PIEZO1: variants seen among roughly 807,000 people sequenced by gnomAD.
PIEZO1 encodes the protein piezo type mechanosensitive ion channel component 1 (Er blood group).
Under a neutral mutation model 297.2 loss-of-function variants are expected in PIEZO1, and 296 were observed. The ratio of observed to expected loss-of-function variants is 1.00; its 90% CI spans 0.91 to 1.10. PIEZO1 has a LOEUF of 1.10. Among genes scored for constraint, PIEZO1 ranks in the 50% least tolerant of loss-of-function variants. PIEZO1 has a pLI of 0.00. For synonymous variants in PIEZO1, 2,427 were observed against 1,507.5 expected, an observed-to-expected ratio of 1.61 and a Z score of -14.13; for missense variants, 5,018 against 3,455.5, an observed-to-expected ratio of 1.45 and a Z score of -11.34.
rs1555551682 is a variant in PIEZO1 at position 88,715,383 on chromosome 16, A to ATGGAC, written c.*221_*222insGTCCA. ...AATAAAACATTTTTTAATTAAAAAA[A>ATGGAC]AAACTCTACAGTACACGTGGGGGAC... On this transcript the variant is annotated 3_prime_UTR_variant, in exon 51 of 51. Transcript: ENST00000301015. The ATGGAC allele has an allele frequency of 7.1e-6, 8 of 1,121,214 alleles. No individual in the cohort carries two copies. The highest frequency in any genetic ancestry group is 3.2e-5 in the African/African-American group (2 of 63,420). The allele number at this position is 1,121,214 out of a possible 1,614,324, so 69.5% of individuals were successfully genotyped here. A position where few individuals can be genotyped will look rare whatever the true frequency, so the allele number is the denominator to read the frequency against.
chr16:88,723,645 G>A (rs1340522916), intron 31 of PIEZO1, among the ~76,000 whole-genome samples: 1 of 152,266 alleles, frequency 6.6e-6, no homozygotes, highest in Non-Finnish European at 1.5e-5. Flanking sequence ...CAGAACCTGG[G>A]TGGTCAGAGC....
At chr16:88,760,002 C>T (rs959278996) in intron 1 of PIEZO1, among the ~76,000 whole-genome samples, 1 of 152,012 alleles carries the variant, frequency 6.6e-6, no homozygotes, top group Non-Finnish European at 1.5e-5. Context: ...AAAACCCCAG[C>T]TGCTTCACTC....
At chr16:88,756,840 G>T (rs1211237839) in intron 1 of PIEZO1, among the ~76,000 whole-genome samples, 2 of 152,120 alleles carry the variant, frequency 1.3e-5, no homozygotes, top group African/African-American at 4.8e-5. Context: ...ACTTTGGGAG[G>T]CCGAGGCGGG....
At chr16:88,734,594 C>A (rs79613370) in intron 15 of PIEZO1, 56 bp from the exon 16 acceptor site, 1 of 1,547,830 alleles carries the variant, frequency 6.5e-7, no homozygotes, top group Non-Finnish European at 8.7e-7. Context: ...GCTGCAGCCC[C>A]GGGGAAGTGC....
rs1042618494 is a variant in PIEZO1 at position 88,717,311 on chromosome 16, C to G, written c.6472-100G>C. The G allele has an allele frequency of 7.2e-5, 78 of 1,077,058 alleles. No homozygotes were observed. In the South Asian group the frequency reaches 9.6e-4, roughly 13 times the overall value. 66.7% of individuals were successfully genotyped at this position (1,077,058 alleles called of 1,614,324 possible). A position where few individuals can be genotyped will look rare whatever the true frequency, so the allele number is the denominator to read the frequency against. ...ACCCAGCAGCCCAGAAAAGCCCCAG[C>G]CTGACCTCAGTATGGCACAGCGGTA... On this transcript the variant is annotated intron_variant, in intron 44 of 50. Coordinates refer to ENST00000301015, the MANE Select transcript of PIEZO1 (RefSeq NM_001142864.4).
intron 1 of PIEZO1, among the ~76,000 whole-genome samples, chr16:88,761,814 G>A (rs1567689639): frequency 6.6e-6 from 1 of 151,798 alleles, no homozygotes; most frequent in Non-Finnish European, 1.5e-5. Flanking sequence ...GCGCTGCCAG[G>A]GTGTGGAGGC....
intron 37 of PIEZO1, 22 bp from the exon 38 acceptor site, chr16:88,721,748 A>C: frequency 1.3e-6 from 2 of 1,534,878 alleles, no homozygotes; most frequent in Non-Finnish European, 1.8e-6. Flanking sequence ...GGGGCTCAGC[A>C]CGCGGGGAGG....
intron 29 of PIEZO1, 60 bp downstream of exon 29, chr16:88,725,356 C>G: frequency 2.8e-6 from 3 of 1,061,804 alleles, no homozygotes; most frequent in Non-Finnish European, 2.6e-6. Context: ...GCAGCACACG[C>G]CAGCAGGCAC....
At chr16:88,754,117 C>T (rs1906534555) in intron 1 of PIEZO1, among the ~76,000 whole-genome samples, 1 of 152,196 alleles carries the variant, frequency 6.6e-6, no homozygotes, top group African/African-American at 2.4e-5. Flanking sequence ...CCAGCACACG[C>T]CTGACTATGG....
At chr16:88,759,032 C>T (rs1906803530) in intron 1 of PIEZO1, among the ~76,000 whole-genome samples, 2 of 152,238 alleles carry the variant, frequency 1.3e-5, no homozygotes, top group South Asian at 4.1e-4. Context: ...GTCCCCCCTA[C>T]CCACGGCATT....
chr16:88,715,539 G>T lies in PIEZO1; in HGVS notation c.*66C>A. 1 of 1,468,578 alleles carries T rather than the reference G, an allele frequency of 6.8e-7. No homozygotes were observed. Among genetic ancestry groups the T allele is most frequent in the Non-Finnish European group, 9.2e-7 (1 of 1,088,438 alleles). The allele number at this position is 1,468,578 out of a possible 1,614,324, so 91.0% of individuals were successfully genotyped here. ...CAGTGGCTCCCCCGGCCTGAGGAGT[G>T]CCGCCCCTTGTGGCCACGCTGCCCA... On this transcript the variant is annotated 3_prime_UTR_variant, in exon 51 of 51. Coordinates refer to ENST00000301015, the MANE Select transcript of PIEZO1 (RefSeq NM_001142864.4).
intron 1 of PIEZO1, among the ~76,000 whole-genome samples, chr16:88,759,980 G>A (rs926563955): frequency 3.3e-5 from 5 of 151,918 alleles, no homozygotes; most frequent in African/African-American, 9.7e-5. Flanking sequence ...GGCCTGCTCC[G>A]CACAGGCTCC....
At chr16:88,736,991 C>G (rs2142829526) in intron 10 of PIEZO1, 3 of 405,976 alleles carry the variant, frequency 7.4e-6, no homozygotes, top group Non-Finnish European at 1.3e-5. Context: ...GCCCTGACCC[C>G]CTTTCCAGCT....
Position 88,721,740 on chromosome 16 carries a change from G to T in PIEZO1, c.5215-14C>A, listed in dbSNP as rs535040854. The T allele has an allele frequency of 9.1e-6, 14 of 1,536,458 alleles. No individual in the cohort carries two copies. Among genetic ancestry groups the T allele is most frequent in the Middle Eastern group, 3.4e-4 (2 of 5,830 alleles). ...GACCACCGCGATCTGTGGGGGAGGGGGCTCAGCACGCGGGGAGGGTCACGG... is the reference window on the plus strand; with the variant it reads ...GACCACCGCGATCTGTGGGGGAGGGTGCTCAGCACGCGGGGAGGGTCACGG... On this transcript the variant is annotated splice_polypyrimidine_tract_variant and intron_variant, in intron 37 of 50. Transcript: ENST00000301015.
rs1199284085 is a variant in PIEZO1 at position 88,723,149 on chromosome 16, C to G, written c.4441G>C (p.Gly1481Arg). ...QEQAGQLPTGGGPSQEVEPAE... is the reference protein window; with the variant it reads ...QEQAGQLPTGRGPSQEVEPAE... The stretch of plus-strand genomic sequence containing the variant: ...GGCTCCACCTCCTGGCTGGGACCAC[C>G]TCCTGGGCACAGGATGCTGGTGAGT... The change falls in exon 33 of 51, where the codon GGT becomes CGT. Residue 1481 changes from glycine (G) to arginine (R), a missense_variant and splice_region_variant. Gly to Arg is a moderately radical substitution (Grantham distance 125). Coordinates refer to ENST00000301015, the MANE Select transcript of PIEZO1 (RefSeq NM_001142864.4). 1.3e-6 allele frequency: 2 copies of G among 1,549,284 alleles called. No individual in the cohort carries two copies. Among genetic ancestry groups the G allele is most frequent in the South Asian group, 1.2e-5 (1 of 84,064 alleles).
At chr16:88,781,023 G>A (rs556350422) in intron 1 of PIEZO1, among the ~76,000 whole-genome samples, 56 of 152,332 alleles carry the variant, frequency 3.7e-4, no homozygotes, top group African/African-American at 1.2e-3. Flanking sequence ...CTAACATTTT[G>A]TTGAATTGAA....
chr16:88,720,587 C>T, intron 40 of PIEZO1, 29 bp downstream of exon 40: 1 of 1,543,122 alleles, frequency 6.5e-7, no homozygotes, highest in South Asian at 1.2e-5. Flanking sequence ...ACCCCCACTC[C>T]CCAGCTGCCC....
At position 88,717,203 on chromosome 16, in the gene PIEZO1, C is replaced by T. The variant is rs756995400; in HGVS notation, c.6480G>A (p.Pro2160=). The T allele has an allele frequency of 1.7e-5, 27 of 1,548,850 alleles. No individual in the cohort carries two copies. Among genetic ancestry groups the T allele is most frequent in the African/African-American group, 4.1e-5 (3 of 73,046 alleles). The part of the protein sequence containing the change: ...KCSRETEKKY[P]QPKGQKKKKI... ...TCTTCTTCTTCTGCCCTTTGGGCTG[C>T]GGGTATTTCTGGAGGGGAACGACAC... Residue 2160 remains proline (P), a synonymous_variant, in exon 45 of 51, where the codon CCG becomes CCA. Transcript: ENST00000301015.
chr16:88,721,243 C>T lies in PIEZO1; in HGVS notation c.5591G>A (p.Arg1864His), dbSNP rs770843415. The T allele has an allele frequency of 1.4e-4, 217 of 1,541,648 alleles. 2 individuals carry two copies. The South Asian group carries it at 2.0e-3, about 14-fold the overall frequency. ...ACGTAGACTGATGCGCCTCGTATCA[C>T]GGGGCCTGAGCTCCACTTGGGGTTC... ...TPEPQVELRP[R>H]DTRRISLRFR... Residue 1864 changes from arginine (R) to histidine (H), a missense_variant, in exon 39 of 51, where the codon CGT becomes CAT. Coordinates refer to ENST00000301015, the MANE Select transcript of PIEZO1 (RefSeq NM_001142864.4).
Sources: allele counts gnomAD v4.1 joint callset (sites outside exome capture counted in the v4.1 genomes callset), GRCh38; gene constraint gnomAD v4.1.1; transcripts MANE v1.5; gene names NCBI Gene and HGNC (gene_info 2026-07-23, HGNC 2026-07-21).